ADAM28: variants seen among roughly 807,000 people sequenced by gnomAD.
ADAM28 encodes disintegrin and metalloproteinase domain-containing protein 28.
ADAM28 carries 105 observed loss-of-function variants against 101.2 expected under a neutral mutation model. The observed-to-expected ratio is 1.04, with a 90% CI of 0.89 to 1.22. The LOEUF is 1.22. Ranked by LOEUF, ADAM28 falls within the 50% of genes most tolerant of loss-of-function variation. The probability of loss-of-function intolerance (pLI) is 0.00; values close to 1 mark genes in which losing one functional copy is unlikely to be tolerated. For synonymous variants in ADAM28, 322 were observed against 310.6 expected, an observed-to-expected ratio of 1.04 and a Z score of -0.39; for missense variants, 1,028 against 945.4, an observed-to-expected ratio of 1.09 and a Z score of -1.15.
chr8:24,343,218 A>T (rs372432584), intron 17 of ADAM28, 37 bp downstream of exon 17: 96 of 1,596,496 alleles, frequency 6.0e-5, no homozygotes, highest in South Asian at 2.4e-4. Flanking sequence ...AGCTCTCTGA[A>T]TCTTATGACA....
At chr8:24,341,490 G>A (rs1814756660) in intron 15 of ADAM28, 108 bp from the exon 16 acceptor site, 1 of 1,127,942 alleles carries the variant, frequency 8.9e-7, no homozygotes, top group Admixed American at 2.2e-5. Flanking sequence ...GTACAACTAA[G>A]AGTCTCGGCT....
intron 5 of ADAM28, 116 bp from the exon 6 acceptor site, chr8:24,313,272 A>T: frequency 1.1e-6 from 1 of 936,994 alleles, no homozygotes. Context: ...CCATGAGCTT[A>T]AATTGTTTTT....
At chr8:24,352,600 A>G (rs1484807004) in intron 21 of ADAM28, among the ~76,000 whole-genome samples, 1 of 152,184 alleles carries the variant, frequency 6.6e-6, no homozygotes, top group Non-Finnish European at 1.5e-5. Context: ...TCTGGGGATT[A>G]GGGTTTCAAC....
intron 8 of ADAM28, among the ~76,000 whole-genome samples, chr8:24,321,831 T>C (rs781290665): frequency 1.2e-4 from 18 of 151,968 alleles, no homozygotes; most frequent in Admixed American, 2.6e-4. Flanking sequence ...CCCATTTGAG[T>C]CATGCAACTA....
chr8:24,317,308 G>C (rs1039945408), intron 6 of ADAM28, among the ~76,000 whole-genome samples: 1 of 151,864 alleles, frequency 6.6e-6, no homozygotes, highest in Admixed American at 6.6e-5. Flanking sequence ...TATAGTAATC[G>C]AAAGAGTATA....
chr8:24,346,235 T>C (rs1815385010), intron 18 of ADAM28, among the ~76,000 whole-genome samples: 1 of 152,150 alleles, frequency 6.6e-6, no homozygotes, highest in Non-Finnish European at 1.5e-5. Context: ...TAAACCATAA[T>C]AGTATTAGCA....
chr8:24,318,189 T>C (rs1345215656), intron 6 of ADAM28, among the ~76,000 whole-genome samples: 1 of 152,034 alleles, frequency 6.6e-6, no homozygotes, highest in Non-Finnish European at 1.5e-5. Context: ...TAGCTATATG[T>C]TGCTGTGAAT....
At chr8:24,344,035 G>A (rs61115445) in intron 18 of ADAM28, among the ~76,000 whole-genome samples, 11,009 of 152,166 alleles carry the variant, frequency 0.072, 426 homozygotes, top group Admixed American at 0.11. Context: ...TTTTCTTCAG[G>A]ATATGTGATC....
chr8:24,353,897 C>T, intron 22 of ADAM28, 65 bp downstream of exon 22: 1 of 1,157,274 alleles, frequency 8.6e-7, no homozygotes, highest in Non-Finnish European at 1.2e-6. Context: ...AAGAGAAGGC[C>T]CACCATGTCT....
At chr8:24,334,325 T>C (rs76424654) in intron 13 of ADAM28, among the ~76,000 whole-genome samples, 2,158 of 152,236 alleles carry the variant, frequency 0.014, 54 homozygotes, top group African/African-American at 0.049. Context: ...AGAGATTAAA[T>C]CCATTTTCTA....
At chr8:24,352,259 G>A (rs920836410) in intron 21 of ADAM28, among the ~76,000 whole-genome samples, 11 of 152,210 alleles carry the variant, frequency 7.2e-5, no homozygotes, top group African/African-American at 1.7e-4. Flanking sequence ...CTTGTGACAA[G>A]AAGAGGACTA....
chr8:24,353,503 C>T (rs1049562099), intron 21 of ADAM28, among the ~76,000 whole-genome samples: 2 of 152,034 alleles, frequency 1.3e-5, no homozygotes, highest in African/African-American at 2.4e-5. Context: ...CTTAATTCTT[C>T]AACTGTTATT....
In ADAM28 at chr8:24,354,586, C is replaced by A; in HGVS notation, c.*182C>A. The A allele has an allele frequency of 1.9e-6, 1 of 525,464 alleles. No individual in the cohort carries two copies. Among genetic ancestry groups the A allele is most frequent in the Non-Finnish European group, 3.2e-6 (1 of 308,796 alleles). 32.6% of individuals were successfully genotyped at this position (525,464 alleles called of 1,614,324 possible). ...GAAAATTTTCAAGAGGAACATATGC[C>A]TGAGAACCTTTGCATGAATTTAAAA... On this transcript the variant is annotated 3_prime_UTR_variant, in exon 23 of 23. Transcript: ENST00000265769.
intron 11 of ADAM28, among the ~76,000 whole-genome samples, chr8:24,330,565 T>G (rs989650402): frequency 1.3e-5 from 2 of 152,162 alleles, no homozygotes; most frequent in Admixed American, 6.6e-5. Flanking sequence ...CTCACAATCT[T>G]TTTTAAATAT....
chr8:24,294,225 T>A (rs745349559), intron 1 of ADAM28, 30 bp downstream of exon 1: 1 of 1,611,856 alleles, frequency 6.2e-7, no homozygotes, highest in South Asian at 1.1e-5. Context: ...TCAGGTTCTA[T>A]TGAATGCATT....
chr8:24,296,058 C>T (rs545069443), intron 1 of ADAM28: 1 of 152,094 alleles, frequency 6.6e-6, no homozygotes, highest in African/African-American at 2.4e-5. Flanking sequence ...GGATTTCATC[C>T]TAGGAAAAGG....
intron 8 of ADAM28, among the ~76,000 whole-genome samples, chr8:24,323,366 T>C (rs1292298329): frequency 2.0e-5 from 3 of 152,004 alleles, no homozygotes; most frequent in Non-Finnish European, 4.4e-5. Context: ...ACTTAGCTTA[T>C]TGTAAATGCA....
intron 8 of ADAM28, 49 bp from the exon 9 acceptor site, chr8:24,323,785 G>T (rs757444804): frequency 2.4e-5 from 36 of 1,514,380 alleles, no homozygotes; most frequent in Non-Finnish European, 3.1e-5. Context: ...TGTTTAAAAT[G>T]ATATCACCAT....
Position 24,354,691 on chromosome 8 carries a change from T to G in ADAM28, c.*287T>G. ...AGTTAAAATCTGTAATAGGAATTGA[T>G]TCATTCTCTAATGAAAACAAAACAT... is the stretch of plus-strand genomic sequence containing the variant. On this transcript the variant is annotated 3_prime_UTR_variant, in exon 23 of 23. Coordinates refer to ENST00000265769, the MANE Select transcript of ADAM28 (RefSeq NM_014265.6). The G allele has an allele frequency of 3.7e-6, 1 of 272,626 alleles. No homozygotes were observed. Among genetic ancestry groups the G allele is most frequent in the Non-Finnish European group, 6.9e-6 (1 of 144,746 alleles). 16.9% of individuals were successfully genotyped at this position (272,626 alleles called of 1,614,324 possible).
Sources: gnomAD v4.1 joint callset for allele counts (sites outside exome capture counted in the v4.1 genomes callset) on GRCh38, gnomAD v4.1.1 for gene constraint, MANE v1.5 for transcripts, NCBI Gene and HGNC (gene_info 2026-07-23, HGNC 2026-07-21) for gene names.